ZRANB1: variants seen among roughly 807,000 people sequenced by gnomAD.
ZRANB1 encodes zinc finger RANBP2-type containing 1, also known as ubiquitin thioesterase ZRANB1.
Under a neutral mutation model 80.5 loss-of-function variants are expected in ZRANB1, and 16 were observed. The ratio of observed to expected loss-of-function variants is 0.20; its 90% confidence interval spans 0.13 to 0.30. The LOEUF is 0.30. Among genes scored for constraint, ZRANB1 ranks in the 10% least tolerant of loss-of-function variants. The probability of loss-of-function intolerance (pLI) is 1.00; values close to 1 mark genes in which losing one functional copy is unlikely to be tolerated. For missense variants in ZRANB1, 576 were observed against 862.6 expected, an observed-to-expected ratio of 0.67 and a Z score of 4.16; for synonymous variants, 291 against 293.1, an observed-to-expected ratio of 0.99 and a Z score of 0.07.
At chr10:124,970,034 G>T (rs1415015789) in intron 2 of ZRANB1, among the ~76,000 whole-genome samples, 7 of 152,196 alleles carry the variant, frequency 4.6e-5, no homozygotes, top group Admixed American at 4.6e-4. Flanking sequence ...AGAGCTAGCT[G>T]ATGGGAATAA....
chr10:124,983,534 A>G lies in ZRANB1; in HGVS notation c.1754A>G (p.His585Arg). 6.2e-7 allele frequency: 1 copy of G among 1,614,106 alleles called. No individual in the cohort carries two copies. Among genetic ancestry groups the G allele is most frequent in the Non-Finnish European group, 8.5e-7 (1 of 1,180,016 alleles). ...ATTGCTCTGGGTTATACGAGGGGCC[A>G]CTTCTCTGCTTTGGTTGCCATGGAA... ...SPIALGYTRG[H>R]FSALVAMEND... is the part of the protein sequence containing the mutation. Residue 585 changes from histidine (H) to arginine (R), a missense_variant, in exon 8 of 9, where the codon CAC becomes CGC. His to Arg is a conservative substitution (Grantham distance 29). Coordinates refer to ENST00000359653, the MANE Select transcript of ZRANB1 (RefSeq NM_017580.3). The surrounding 1 kb of genome is among the most constrained non-coding windows in gnomAD (Gnocchi z 6.2).
chr10:124,983,724 G>T lies in ZRANB1; in HGVS notation c.1908+36G>T, dbSNP rs554341644. 1 of 1,494,660 alleles carries T rather than the reference G, an allele frequency of 6.7e-7. No homozygotes were observed. Among genetic ancestry groups the T allele is most frequent in the South Asian group, 1.2e-5 (1 of 82,384 alleles). 92.6% of individuals were successfully genotyped at this position (1,494,660 alleles called of 1,614,324 possible). A position where few individuals can be genotyped will look rare whatever the true frequency, so the allele number is the denominator to read the frequency against. On this transcript the variant is annotated intron_variant, in intron 8 of 8. Coordinates refer to ENST00000359653, the MANE Select transcript of ZRANB1 (RefSeq NM_017580.3). This position sits in a 1 kb window ranked among gnomAD's most constrained non-coding sequence, Gnocchi z 6.2. ...TCTCCTATGAACTATTTCTAGTAGT[G>T]ACCTTGTACCAGAAACAGCCTGAAG...
At chr10:124,979,851 C>T (rs543124702) in intron 5 of ZRANB1, among the ~76,000 whole-genome samples, 2 of 152,266 alleles carry the variant, frequency 1.3e-5, no homozygotes, top group East Asian at 3.9e-4. Flanking sequence ...TGTTTCTGGA[C>T]TCTTAATATT....
At chr10:124,984,636 G>A (rs1951992581) in intron 8 of ZRANB1, 138 bp from the exon 9 acceptor site, 4 of 813,046 alleles carry the variant, frequency 4.9e-6, no homozygotes, top group Non-Finnish European at 7.6e-6. Context: ...ACTTCCAAGA[G>A]GTCAAAACCA....
the ZRANB1 span, among the ~76,000 whole-genome samples, chr10:124,925,901 G>A: frequency 6.6e-6 from 1 of 152,164 alleles, no homozygotes; most frequent in Admixed American, 6.5e-5. Context: ...ACATCATAGA[G>A]TCTACTTAGA....
intron 1 of ZRANB1, among the ~76,000 whole-genome samples, chr10:124,946,766 G>A (rs117279173): frequency 0.081 from 12,362 of 152,116 alleles, 690 homozygotes; most frequent in Admixed American, 0.16. Context: ...TGTTTACATT[G>A]TGTTGGGTTA....
intron 1 of ZRANB1, among the ~76,000 whole-genome samples, chr10:124,944,080 C>G (rs1332062276): frequency 6.6e-6 from 1 of 152,194 alleles, no homozygotes; most frequent in Non-Finnish European, 1.5e-5. Flanking sequence ...TCAGGAAATG[C>G]TGTTAAAGGA....
rs143568273 is a variant in ZRANB1 at position 124,980,971 on chromosome 10, T to C, written c.1428-738T>C. Among the ~76,000 whole-genome samples, 239 of 152,334 alleles carry C rather than the reference T, an allele frequency of 1.6e-3. 1 individual carries two copies. Among genetic ancestry groups the C allele is most frequent in the Non-Finnish European group, 2.2e-3 (153 of 68,030 alleles). ...GGAACAGATTGGTCTTTTGTTTCTTTTACCTAGAATTCAGATGTATAGAAG... is the reference window on the plus strand; with the variant it reads ...GGAACAGATTGGTCTTTTGTTTCTTCTACCTAGAATTCAGATGTATAGAAG... On this transcript the variant is annotated intron_variant, in intron 5 of 8. Transcript: ENST00000359653.
chr10:124,935,322 A>T, the ZRANB1 span, among the ~76,000 whole-genome samples: 7 of 152,356 alleles, frequency 4.6e-5, no homozygotes, highest in African/African-American at 1.4e-4. Context: ...GGAAGACATA[A>T]CAAGTGTATC....
chr10:124,924,669 A>G, the ZRANB1 span, among the ~76,000 whole-genome samples: 1 of 152,036 alleles, frequency 6.6e-6, no homozygotes, highest in East Asian at 1.9e-4. Flanking sequence ...TGGCTGGCTG[A>G]TACTCCATTG....
intron 8 of ZRANB1, 52 bp from the exon 9 acceptor site, chr10:124,984,722 A>T: frequency 6.4e-7 from 1 of 1,559,782 alleles, no homozygotes; most frequent in South Asian, 1.2e-5. Context: ...ATTCCTACCA[A>T]GTCTCTGATC....
At chr10:124,929,874 A>G in the ZRANB1 span, among the ~76,000 whole-genome samples, 1 of 145,270 alleles carries the variant, frequency 6.9e-6, no homozygotes, top group African/African-American at 2.5e-5. Context: ...TGAACCTGGG[A>G]GGCAGAGGTT....
In ZRANB1 at chr10:124,943,089, A is replaced by G. The variant is rs771249722; in HGVS notation, c.596A>G (p.Asp199Gly). 1.2e-6 allele frequency: 2 copies of G among 1,614,232 alleles called. No individual in the cohort carries two copies. The highest frequency in any genetic ancestry group is 1.7e-6 in the Non-Finnish European group (2 of 1,180,042). ...EEASSIINEQ[D>G]RARWRGSCSS... ...GCTTCTTCAATAATAAATGAGCAAG[A>G]CAGAGCTCGATGGAGGGGAAGTTGC... The change falls in exon 1 of 9, where the codon GAC (aspartate) becomes GGC (glycine). Residue 199 changes from aspartate to glycine, a missense_variant. Transcript: ENST00000359653.
the ZRANB1 span, among the ~76,000 whole-genome samples, chr10:124,924,091 A>C: frequency 1.3e-5 from 2 of 149,268 alleles, no homozygotes; most frequent in Non-Finnish European, 3.0e-5. Flanking sequence ...TTTTTTTGAG[A>C]TGGGGTCTTG....
upstream of ZRANB1, among the ~76,000 whole-genome samples, chr10:124,937,468 C>T (rs1201379368): frequency 7.3e-6 from 1 of 136,394 alleles, no homozygotes. Flanking sequence ...TTATAGGCAT[C>T]AGCCATTGCG....
chr10:124,930,494 G>C, the ZRANB1 span, among the ~76,000 whole-genome samples: 6 of 152,180 alleles, frequency 3.9e-5, no homozygotes, highest in Non-Finnish European at 7.3e-5. Flanking sequence ...TCAAACTCCT[G>C]ACCTTAGGTG....
chr10:124,917,601 C>T, the ZRANB1 span, among the ~76,000 whole-genome samples: 1 of 152,218 alleles, frequency 6.6e-6, no homozygotes, highest in East Asian at 1.9e-4. Context: ...CTGCCGGAGA[C>T]GGATCGGCGA....
Position 124,943,562 on chromosome 10 carries a change from A to C in ZRANB1, c.814+255A>C, listed in dbSNP as rs1454597187. Among the ~76,000 whole-genome samples, 4 of 152,070 alleles carry C rather than the reference A, an allele frequency of 2.6e-5. No homozygotes were observed. The East Asian group carries it at 7.7e-4, about 29-fold the overall frequency. ...GTGTGTGTGTATATATATATGCGCA[A>C]AGTCACTAGCATTTGATTCATTCAG... On this transcript the variant is annotated intron_variant, in intron 1 of 8. Transcript: ENST00000359653.
At chr10:124,931,818 A>G in the ZRANB1 span, among the ~76,000 whole-genome samples, 3 of 152,192 alleles carry the variant, frequency 2.0e-5, no homozygotes, top group Admixed American at 2.0e-4. Flanking sequence ...CAATTAATGA[A>G]CCAACATTGA....
Sources: allele counts gnomAD v4.1 joint callset (sites outside exome capture counted in the v4.1 genomes callset), GRCh38; gene constraint gnomAD v4.1.1; non-coding constraint Gnocchi (gnomAD v3.1); transcripts MANE v1.5; gene names NCBI Gene and HGNC (gene_info 2026-07-23, HGNC 2026-07-21).